Variants in GNE observed in about 807,000 individuals in gnomAD.
The protein encoded by GNE is glucosamine (UDP-N-acetyl)-2-epimerase/N-acetylmannosamine kinase, also known as bifunctional UDP-N-acetylglucosamine 2-epimerase/N-acetylmannosamine kinase.
Under a neutral mutation model 61.8 loss-of-function variants are expected in GNE, and 41 were observed. The observed-to-expected ratio is 0.66, with a 90% confidence interval of 0.52 to 0.86. The LOEUF is 0.86. GNE is among the 40% of genes least tolerant of loss of function. GNE has a pLI of 0.00. For synonymous variants in GNE, 264 were observed against 326.4 expected (o/e 0.81, Z 2.06); for missense variants, 608 against 909.1 (o/e 0.67, Z 4.26).
At chr9:36,264,237 ATTT>A (rs1484424931) in intron 1 of GNE, among the ~76,000 whole-genome samples, 1 of 151,862 alleles carries the variant, frequency 6.6e-6, no homozygotes, top group Non-Finnish European at 1.5e-5. Context: ...GGTTCAAGTA[ATTT>A]TTGTGCCTCA....
At chr9:36,223,092 C>T in intron 8 of GNE, 94 bp from the exon 9 acceptor site, 2 of 1,164,188 alleles carry the variant, frequency 1.7e-6, no homozygotes, top group East Asian at 4.7e-5. Flanking sequence ...GATTCATTCA[C>T]CCCAGATCTC....
intron 3 of GNE, among the ~76,000 whole-genome samples, chr9:36,241,197 C>A (rs1020479177): frequency 6.6e-6 from 1 of 152,080 alleles, no homozygotes; most frequent in Non-Finnish European, 1.5e-5. Context: ...CTCACTACAA[C>A]CTCCACCTTG....
At chr9:36,227,628 C>A (rs945301882) in intron 6 of GNE, among the ~76,000 whole-genome samples, 170 bp from the exon 7 acceptor site, 8 of 152,116 alleles carry the variant, frequency 5.3e-5, no homozygotes, top group Non-Finnish European at 1.5e-5. Context: ...AATCCCAGCA[C>A]TTTGGGGGGC....
chr9:36,250,787 TCTC>T lies in GNE; in HGVS notation c.-42-1393_-42-1391del, dbSNP rs1830080735. Among the ~76,000 whole-genome samples the T allele has an allele frequency of 3.9e-5, 6 of 152,152 alleles. No homozygotes were observed. In the South Asian group the frequency reaches 1.2e-3, roughly 32 times the overall value. The stretch of plus-strand genomic sequence containing the variant: ...CCTCCGCCTCCCAGATTCAAGCAAT[TCTC>T]CTGCCTCAGCCTCCCGAGTAGCTGG... On this transcript the variant is annotated intron_variant, in intron 1 of 11. Transcript: ENST00000642385.
intron 1 of GNE, among the ~76,000 whole-genome samples, chr9:36,274,719 T>TC (rs1443975242): frequency 6.6e-6 from 1 of 151,646 alleles, no homozygotes; most frequent in East Asian, 1.9e-4. Flanking sequence ...GGTTTCACAT[T>TC]CTTTTTTTTT....
chr9:36,257,154 A>G (rs571306069), intron 1 of GNE, among the ~76,000 whole-genome samples: 3 of 152,208 alleles, frequency 2.0e-5, no homozygotes, highest in African/African-American at 7.2e-5. Context: ...AGAACCGAAA[A>G]TCAAACCCTT....
intron 1 of GNE, among the ~76,000 whole-genome samples, chr9:36,266,087 G>A (rs10972816): frequency 0.17 from 26,187 of 151,962 alleles, 2,461 homozygotes; most frequent in Non-Finnish European, 0.21. Context: ...ACAGGCATGC[G>A]GTCTGGCTAA....
At chr9:36,231,058 T>A (rs1379158871) in intron 5 of GNE, among the ~76,000 whole-genome samples, 1 of 119,916 alleles carries the variant, frequency 8.3e-6, no homozygotes, top group African/African-American at 3.5e-5. Flanking sequence ...CCCCCAGCAC[T>A]GCTTCACTAA....
At position 36,236,858 on chromosome 9, in the gene GNE, A is replaced by T; in HGVS notation, c.743T>A (p.Leu248Gln). ...DALISFNKRT[L>Q]VLFPNIDAGS... ...TGCGTCAATATTTGGAAACAGGACTAGGGTCCGCTTGTTAAATGAGATAAG... is the reference window on the plus strand; with the variant it reads ...TGCGTCAATATTTGGAAACAGGACTTGGGTCCGCTTGTTAAATGAGATAAG... Residue 248 changes from leucine (L) to glutamine (Q), a missense_variant, in exon 4 of 12, where the codon CTA (leucine) becomes CAA (glutamine). Coordinates refer to ENST00000642385, the MANE Select transcript of GNE (RefSeq NM_005476.7). 1 of 1,613,842 alleles carries T rather than the reference A, an allele frequency of 6.2e-7. No homozygotes were observed. The highest frequency in any genetic ancestry group is 8.5e-7 in the Non-Finnish European group (1 of 1,179,710).
At position 36,253,252 on chromosome 9, in the gene GNE, T is replaced by G. The variant is rs779284962; in HGVS notation, c.-42-3855A>C. ...CGTATATTACAAAATTGGTAACATA[T>G]TCTATAAACTGTTGGGGCAAAGCTT... On this transcript the variant is annotated intron_variant, in intron 1 of 11. Transcript: ENST00000642385. Among the ~76,000 whole-genome samples, 100 of 151,922 alleles carry G rather than the reference T, an allele frequency of 6.6e-4. 1 individual carries two copies. The highest frequency in any genetic ancestry group is 1.1e-3 in the Non-Finnish European group (78 of 67,956).
At chr9:36,266,726 A>G (rs1038310095) in intron 1 of GNE, among the ~76,000 whole-genome samples, 28 of 152,218 alleles carry the variant, frequency 1.8e-4, no homozygotes, top group Admixed American at 5.2e-4. Flanking sequence ...TGGCTAACAC[A>G]GTGAAACCCC....
At chr9:36,273,906 A>T (rs1387001699) in intron 1 of GNE, among the ~76,000 whole-genome samples, 2 of 151,832 alleles carry the variant, frequency 1.3e-5, no homozygotes, top group African/African-American at 4.8e-5. Context: ...AAGTGCTGGG[A>T]TTACAGGTGT....
chr9:36,263,886 A>G (rs1830686115), intron 1 of GNE, among the ~76,000 whole-genome samples: 1 of 152,184 alleles, frequency 6.6e-6, no homozygotes, highest in Admixed American at 6.5e-5. Context: ...TGACAATGGT[A>G]ATTAGCTAAT....
chr9:36,253,553 C>T (rs1830203242), intron 1 of GNE, among the ~76,000 whole-genome samples: 2 of 151,682 alleles, frequency 1.3e-5, no homozygotes, highest in African/African-American at 4.8e-5. Flanking sequence ...GCTAGGATTA[C>T]AGGCATGAGC....
At chr9:36,253,529 C>T (rs888688969) in intron 1 of GNE, among the ~76,000 whole-genome samples, 17 of 151,562 alleles carry the variant, frequency 1.1e-4, no homozygotes, top group African/African-American at 3.9e-4. Context: ...CCACCCACCT[C>T]GGCCTCCCAA....
At chr9:36,258,496 C>T, upstream of GNE, 11 of 985,572 alleles carry the variant, frequency 1.1e-5, no homozygotes, top group Non-Finnish European at 1.3e-5. Flanking sequence ...CCAGCCACGC[C>T]CACCCGGAGT....
chr9:36,245,270 CA>C (rs916656974), intron 3 of GNE, among the ~76,000 whole-genome samples: 9 of 147,358 alleles, frequency 6.1e-5, no homozygotes, highest in Non-Finnish European at 1.2e-4. Context: ...TCTCAAAAAA[CA>C]AAAAAAAAAT....
chr9:36,261,083 C>G (rs1830602276), upstream of GNE, among the ~76,000 whole-genome samples: 1 of 152,038 alleles, frequency 6.6e-6, no homozygotes, highest in Admixed American at 6.6e-5. Context: ...CCTCTGACTT[C>G]TGCCTCCCTT....
At chr9:36,265,500 AGGT>A in intron 1 of GNE, 1 of 456,648 alleles carries the variant, frequency 2.2e-6, no homozygotes, top group Non-Finnish European at 4.4e-6. Context: ...AATCAACAAG[AGGT>A]GGAATAAACT....
Sources: gnomAD v4.1 joint callset for allele counts (sites outside exome capture counted in the v4.1 genomes callset) on GRCh38, gnomAD v4.1.1 for gene constraint, MANE v1.5 for transcripts, NCBI Gene and HGNC (gene_info 2026-07-23, HGNC 2026-07-21) for gene names.